Variants in SEMA3C observed in about 807,000 individuals in gnomAD.
SEMA3C encodes the protein semaphorin 3C.
In SEMA3C, 47 loss-of-function variants were observed where a neutral mutation model predicts 89.4. The ratio of observed to expected loss-of-function variants is 0.53; its 90% CI spans 0.42 to 0.67. The LOEUF (loss-of-function observed/expected upper bound fraction) is 0.67. SEMA3C is among the 30% of genes least tolerant of loss of function. SEMA3C has a pLI of 0.00. For synonymous variants in SEMA3C, 310 were observed against 320.2 expected, an observed-to-expected ratio of 0.97 and a Z score of 0.34; for missense variants, 839 against 929.1, an observed-to-expected ratio of 0.90 and a Z score of 1.26.
chr7:80,778,766 G>A (rs1286070378), intron 12 of SEMA3C, among the ~76,000 whole-genome samples: 1 of 152,088 alleles, frequency 6.6e-6, no homozygotes, highest in Non-Finnish European at 1.5e-5. Flanking sequence ...CCTACTACCA[G>A]GGCACTCAGC....
intron 2 of SEMA3C, among the ~76,000 whole-genome samples, chr7:80,841,073 A>C (rs1352658122): frequency 6.6e-6 from 1 of 152,158 alleles, no homozygotes; most frequent in Non-Finnish European, 1.5e-5. Context: ...ACAAGGAGCC[A>C]ACCAACACAG....
At chr7:80,841,183 T>A (rs756109853) in intron 2 of SEMA3C, among the ~76,000 whole-genome samples, 2 of 152,174 alleles carry the variant, frequency 1.3e-5, no homozygotes, top group Non-Finnish European at 2.9e-5. Flanking sequence ...CCCGCCATGA[T>A]CACATACAAG....
chr7:80,763,918 C>T (rs1406687040), intron 13 of SEMA3C, among the ~76,000 whole-genome samples: 24 of 152,012 alleles, frequency 1.6e-4, no homozygotes, highest in Admixed American at 1.6e-3. Context: ...ATTTTATGAG[C>T]CCGATTTTAA....
At chr7:80,879,215 A>T (rs925103576) in intron 2 of SEMA3C, among the ~76,000 whole-genome samples, 2 of 152,182 alleles carry the variant, frequency 1.3e-5, no homozygotes, top group Non-Finnish European at 2.9e-5. Flanking sequence ...TTAAAAAAAA[A>T]ATAAAGAAAA....
Position 80,745,259 on chromosome 7 carries a change from G to T in SEMA3C, c.1891C>A (p.Arg631Ser). The change falls in exon 18 of 18, where the codon CGC becomes AGC. Residue 631 changes from arginine (R) to serine (S), a missense_variant. By Grantham distance (110) the Arg-to-Ser change is moderately radical. Transcript: ENST00000265361. ...CCTTGGTCAGAACCCTGAACAGAGCGGATCAGGAGTCCCTGTGAAGTGGCT... is the reference window on the plus strand; with the variant it reads ...CCTTGGTCAGAACCCTGAACAGAGCTGATCAGGAGTCCCTGTGAAGTGGCT... The part of the protein sequence containing the change: ...IIATSQGLLI[R>S]SVQGSDQGLY... 6.2e-7 allele frequency: 1 copy of T among 1,613,904 alleles called. No individual in the cohort carries two copies. Among genetic ancestry groups the T allele is most frequent in the Non-Finnish European group, 8.5e-7 (1 of 1,179,904 alleles).
chr7:80,865,011 GTTTGT>G (rs1380316326), intron 2 of SEMA3C, among the ~76,000 whole-genome samples: 2 of 152,016 alleles, frequency 1.3e-5, no homozygotes. Flanking sequence ...ATATTAAACG[GTTTGT>G]TTTATCACTT....
In SEMA3C at chr7:80,821,054, T is replaced by A. The variant is rs1376076337; in HGVS notation, c.328-2636A>T. 2.6e-5 allele frequency among the ~76,000 whole-genome samples: 4 copies of A among 152,228 alleles called. No individual in the cohort carries two copies. The East Asian group carries it at 7.7e-4, about 29-fold the overall frequency. On this transcript the variant is annotated intron_variant, in intron 4 of 17. Coordinates refer to ENST00000265361, the MANE Select transcript of SEMA3C (RefSeq NM_006379.5). ...ATGCCAACTATACTCATTTCATGTA[T>A]ATATCTATCTGCTTATTATGACTAA...
In SEMA3C at chr7:80,802,140, T is replaced by C. The variant is rs551259625; in HGVS notation, c.916+525A>G. Among the ~76,000 whole-genome samples, 85 of 152,188 alleles carry C rather than the reference T, an allele frequency of 5.6e-4. 1 individual carries two copies. Among genetic ancestry groups the C allele is most frequent in the African/African-American group, 1.8e-3 (73 of 41,522 alleles). ...TCAGACTGTCAGTCCTTATTCGACC[T>C]GGAAAGTGTAAGCCTCCTCATGTCA... On this transcript the variant is annotated intron_variant, in intron 9 of 17. Coordinates refer to ENST00000265361, the MANE Select transcript of SEMA3C (RefSeq NM_006379.5).
intron 4 of SEMA3C, among the ~76,000 whole-genome samples, chr7:80,825,530 C>T (rs556556189): frequency 6.6e-6 from 1 of 152,078 alleles, no homozygotes; most frequent in Non-Finnish European, 1.5e-5. Flanking sequence ...AAAACAAAAA[C>T]CCCAGAGGGT....
intron 10 of SEMA3C, among the ~76,000 whole-genome samples, chr7:80,798,888 T>A (rs1789130316): frequency 1.3e-5 from 2 of 152,184 alleles, no homozygotes; most frequent in Admixed American, 1.3e-4. Context: ...CTGAAATCAG[T>A]ATTTCTCTGA....
At chr7:80,761,898 C>G (rs7357272) in intron 13 of SEMA3C, among the ~76,000 whole-genome samples, 52,211 of 151,392 alleles carry the variant, frequency 0.34, 11,685 homozygotes, top group African/African-American at 0.63. Context: ...AGACCAGCCT[C>G]GCCAACATGG....
intron 2 of SEMA3C, among the ~76,000 whole-genome samples, chr7:80,885,038 T>C (rs1791440752): frequency 3.9e-5 from 6 of 152,244 alleles, no homozygotes; most frequent in Admixed American, 3.3e-4. Flanking sequence ...GAAATCCTTG[T>C]ACTTGAAAGC....
chr7:80,884,385 G>A (rs1791423578), intron 2 of SEMA3C, among the ~76,000 whole-genome samples: 1 of 152,108 alleles, frequency 6.6e-6, no homozygotes, highest in South Asian at 2.1e-4. Context: ...CTTCCTAACC[G>A]CTACAAAAAT....
intron 2 of SEMA3C, among the ~76,000 whole-genome samples, chr7:80,893,111 G>A (rs573792360): frequency 6.6e-6 from 1 of 152,228 alleles, no homozygotes; most frequent in Admixed American, 6.5e-5. Context: ...TTTATTTTTA[G>A]TTATATTTAT....
chr7:80,805,557 A>G, intron 7 of SEMA3C, 82 bp downstream of exon 7: 9 of 1,244,226 alleles, frequency 7.2e-6, no homozygotes, highest in Non-Finnish European at 9.9e-6. Context: ...GTTTTTAACC[A>G]TTTTCCCTAG....
At chr7:80,765,714 T>C (rs1417954827) in intron 12 of SEMA3C, among the ~76,000 whole-genome samples, 13 of 152,172 alleles carry the variant, frequency 8.5e-5, no homozygotes, top group Admixed American at 1.3e-4. Flanking sequence ...GTATCTGGGA[T>C]TACAGGTGCC....
intron 11 of SEMA3C, among the ~76,000 whole-genome samples, chr7:80,792,036 A>G (rs969995920): frequency 2.6e-5 from 4 of 152,228 alleles, no homozygotes; most frequent in Admixed American, 1.3e-4. Flanking sequence ...GACTTAAAAG[A>G]GTAGCAGTAA....
At chr7:80,750,864 A>C (rs1477422881) in intron 16 of SEMA3C, among the ~76,000 whole-genome samples, 1 of 152,158 alleles carries the variant, frequency 6.6e-6, no homozygotes, top group Non-Finnish European at 1.5e-5. Flanking sequence ...ACAGAACTGT[A>C]AACTTTAAAA....
At chr7:80,819,097 C>T (rs893423571) in intron 4 of SEMA3C, among the ~76,000 whole-genome samples, 35 of 152,246 alleles carry the variant, frequency 2.3e-4, no homozygotes, top group Non-Finnish European at 4.3e-4. Context: ...TGGACTAATT[C>T]TAATACTTCA....
Sources: allele counts gnomAD v4.1 joint callset (sites outside exome capture counted in the v4.1 genomes callset), GRCh38; gene constraint gnomAD v4.1.1; transcripts MANE v1.5; gene names NCBI Gene and HGNC (gene_info 2026-07-23, HGNC 2026-07-21).